The following LRGUK variants were observed in gnomAD, a reference collection of about 807,000 sequenced individuals.
LRGUK encodes leucine-rich repeat and guanylate kinase domain-containing protein.
Under a neutral mutation model 76.0 loss-of-function variants are expected in LRGUK, and 65 were observed. The observed-to-expected ratio is 0.85, with a 90% CI of 0.70 to 1.05. LRGUK has a LOEUF of 1.05. Ranked by LOEUF, LRGUK falls within the 50% of genes least tolerant of loss-of-function variation. LRGUK has a pLI of 0.00. For synonymous variants in LRGUK, 268 were observed against 265.6 expected, an observed-to-expected ratio of 1.01 and a Z score of -0.09; for missense variants, 758 against 732.8, an observed-to-expected ratio of 1.03 and a Z score of -0.40.
chr7:134,160,973 A>AT (rs917749560), intron 6 of LRGUK, among the ~76,000 whole-genome samples: 2 of 152,066 alleles, frequency 1.3e-5, no homozygotes, highest in African/African-American at 2.4e-5. Flanking sequence ...GTGATTCTAA[A>AT]TTTTTTTTCA....
chr7:134,134,789 A>G (rs1797456537), intron 1 of LRGUK, among the ~76,000 whole-genome samples: 1 of 152,262 alleles, frequency 6.6e-6, no homozygotes, highest in Non-Finnish European at 1.5e-5. Flanking sequence ...TATTTTGTGA[A>G]CAGCCTGATT....
intron 8 of LRGUK, 29 bp from the exon 9 acceptor site, chr7:134,176,947 AC>A: frequency 2.9e-6 from 4 of 1,401,266 alleles, no homozygotes; most frequent in Non-Finnish European, 4.0e-6. Context: ...AAGGAAGGCA[AC>A]TGAACAGTCC....
At chr7:134,204,733 T>G (rs764714308) in intron 15 of LRGUK, among the ~76,000 whole-genome samples, 4 of 152,234 alleles carry the variant, frequency 2.6e-5, no homozygotes, top group Non-Finnish European at 4.4e-5. Context: ...TGGTCCTTAT[T>G]AACACACATT....
At chr7:134,192,052 G>T (rs1290762510) in intron 12 of LRGUK, among the ~76,000 whole-genome samples, 1 of 152,126 alleles carries the variant, frequency 6.6e-6, no homozygotes, top group Non-Finnish European at 1.5e-5. Flanking sequence ...CTTATCAGTT[G>T]CTGCTACTGT....
chr7:134,198,709 G>A (rs1462459343), intron 13 of LRGUK, among the ~76,000 whole-genome samples: 1 of 152,174 alleles, frequency 6.6e-6, no homozygotes, highest in Non-Finnish European at 1.5e-5. Context: ...GTTCCATGCT[G>A]TGATCTCCTG....
intron 17 of LRGUK, 25 bp downstream of exon 17, chr7:134,247,669 T>C (rs1453039423): frequency 6.6e-7 from 1 of 1,518,426 alleles, no homozygotes; most frequent in Non-Finnish European, 9.1e-7. Context: ...CATGAGCAAC[T>C]TTAGATTGAT....
chr7:134,129,349 C>T (rs1428301320), intron 1 of LRGUK, among the ~76,000 whole-genome samples: 1 of 78,870 alleles, frequency 1.3e-5, no homozygotes, highest in East Asian at 4.3e-4. Flanking sequence ...TCCCTCCCCT[C>T]TACTCTCTCC....
intron 19 of LRGUK, among the ~76,000 whole-genome samples, chr7:134,259,775 G>T (rs1760646096): frequency 6.6e-6 from 1 of 152,150 alleles, no homozygotes; most frequent in Non-Finnish European, 1.5e-5. Context: ...CTCGCAGGAA[G>T]TGGGAAATGT....
At chr7:134,225,065 A>C (rs947993590) in intron 16 of LRGUK, among the ~76,000 whole-genome samples, 6 of 151,572 alleles carry the variant, frequency 4.0e-5, no homozygotes, top group Admixed American at 2.0e-4. Flanking sequence ...AAAGAAAAAA[A>C]AAAAAGTGTT....
chr7:134,197,823 A>T (rs962998378), intron 13 of LRGUK, among the ~76,000 whole-genome samples: 46 of 152,210 alleles, frequency 3.0e-4, no homozygotes, highest in African/African-American at 9.9e-4. Context: ...ATTTTTTAAA[A>T]ATATAGCTTT....
chr7:134,233,849 A>T, intron 16 of LRGUK, among the ~76,000 whole-genome samples: 1 of 152,190 alleles, frequency 6.6e-6, no homozygotes, highest in Non-Finnish European at 1.5e-5. Context: ...ATTTGAACTC[A>T]GGATCCTCAC....
exon 16 of LRGUK, chr7:134,209,966 C>T: frequency 7.5e-6 from 3 of 399,400 alleles, no homozygotes; most frequent in Non-Finnish European, 1.3e-5. Flanking sequence ...TCAGCCTGAT[C>T]CAAGGCCTGC....
At chr7:134,139,892 C>A (rs1797698657) in intron 3 of LRGUK, among the ~76,000 whole-genome samples, 1 of 151,830 alleles carries the variant, frequency 6.6e-6, no homozygotes, top group South Asian at 2.1e-4. Context: ...TTAACAGATT[C>A]TTTTCTTTAT....
At chr7:134,206,588 G>A (rs777420612) in intron 15 of LRGUK, among the ~76,000 whole-genome samples, 30 of 150,544 alleles carry the variant, frequency 2.0e-4, no homozygotes, top group African/African-American at 3.4e-4. Context: ...GTGTGTGTGT[G>A]TATATATATA....
At chr7:134,175,139 A>G in intron 8 of LRGUK, among the ~76,000 whole-genome samples, 1 of 152,300 alleles carries the variant, frequency 6.6e-6, no homozygotes, top group East Asian at 1.9e-4. Context: ...AGAATAATAC[A>G]TTTCCCAGGA....
At chr7:134,241,346 G>A (rs1348872523) in intron 16 of LRGUK, among the ~76,000 whole-genome samples, 1 of 152,040 alleles carries the variant, frequency 6.6e-6, no homozygotes, top group African/African-American at 2.4e-5. Context: ...CAAAATAAAG[G>A]GATGGAGGAA....
chr7:134,254,589 C>A (rs1585605396), intron 18 of LRGUK, among the ~76,000 whole-genome samples: 1 of 152,082 alleles, frequency 6.6e-6, no homozygotes, highest in East Asian at 1.9e-4. Context: ...ACCATGAGGG[C>A]CTCACCCTCA....
chr7:134,228,320 G>T (rs577524854), intron 16 of LRGUK, among the ~76,000 whole-genome samples: 11 of 152,188 alleles, frequency 7.2e-5, no homozygotes, highest in Middle Eastern at 3.4e-3. Context: ...GTCACAGGAA[G>T]CCTACATGAA....
chr7:134,245,073 T>A (rs1206478008), intron 16 of LRGUK, among the ~76,000 whole-genome samples: 2 of 151,938 alleles, frequency 1.3e-5, no homozygotes, highest in East Asian at 1.9e-4. Context: ...CATTAGGAGA[T>A]ATACCTAATG....
Sources: allele counts gnomAD v4.1 joint callset (sites outside exome capture counted in the v4.1 genomes callset), GRCh38; gene constraint gnomAD v4.1.1; transcripts MANE v1.5; gene names NCBI Gene and HGNC (gene_info 2026-07-23, HGNC 2026-07-21).